Variants in SCOC observed in about 807,000 individuals in gnomAD.
SCOC encodes the protein short coiled-coil protein.
A neutral mutation model predicts 9.9 loss-of-function variants in SCOC; 7 were observed. The observed-to-expected ratio is 0.71, with a 90% CI of 0.40 to 1.33. The LOEUF is 1.33. SCOC is among the 40% of genes most tolerant of loss of function. The pLI is 0.01. For missense variants in SCOC, 66 were observed against 89.7 expected, an observed-to-expected ratio of 0.74 and a Z score of 1.07; for synonymous variants, 19 against 28.2, an observed-to-expected ratio of 0.67 and a Z score of 1.03.
chr4:140,335,714 A>T (rs1181574993), intron 1 of SCOC, among the ~76,000 whole-genome samples: 3 of 152,168 alleles, frequency 2.0e-5, no homozygotes, highest in Non-Finnish European at 4.4e-5. Flanking sequence ...AAGCTCTGAG[A>T]AAGCCCATAG....
chr4:140,363,676 C>T (rs771659152), intron 2 of SCOC, among the ~76,000 whole-genome samples: 10 of 152,216 alleles, frequency 6.6e-5, no homozygotes, highest in Non-Finnish European at 1.3e-4. Flanking sequence ...CATAATTTCA[C>T]AGCCACTTCC....
At chr4:140,290,019 A>G (rs1731423561) in intron 1 of SCOC, among the ~76,000 whole-genome samples, 1 of 152,202 alleles carries the variant, frequency 6.6e-6, no homozygotes. Flanking sequence ...CTCCTCACCA[A>G]TCTTTCAGTG....
chr4:140,341,116 C>T (rs1476794420), upstream of SCOC, among the ~76,000 whole-genome samples: 1 of 151,978 alleles, frequency 6.6e-6, no homozygotes, highest in Non-Finnish European at 1.5e-5. Flanking sequence ...TTCCCCCATC[C>T]ATTAGGATAG....
intron 1 of SCOC, among the ~76,000 whole-genome samples, chr4:140,277,155 G>A (rs867822188): frequency 1.3e-5 from 2 of 152,148 alleles, no homozygotes; most frequent in Non-Finnish European, 2.9e-5. Flanking sequence ...TCACTTCTCA[G>A]AGTGTGATTT....
intron 1 of SCOC, among the ~76,000 whole-genome samples, chr4:140,320,418 CTTAA>C (rs1257443763): frequency 4.6e-5 from 7 of 152,188 alleles, no homozygotes; most frequent in African/African-American, 1.2e-4. Context: ...CCTCTACTTT[CTTAA>C]TAAACTGCTT....
At chr4:140,314,631 C>A (rs1328138595) in intron 1 of SCOC, 2 of 152,134 alleles carry the variant, frequency 1.3e-5, no homozygotes. Context: ...CTCATGAATT[C>A]TTATGGAAAA....
intron 1 of SCOC, among the ~76,000 whole-genome samples, chr4:140,294,530 C>A (rs918750180): frequency 1.3e-5 from 2 of 152,128 alleles, no homozygotes; most frequent in South Asian, 4.1e-4. Flanking sequence ...CCCAGCTGAC[C>A]AACCAACTAA....
chr4:140,295,791 C>T (rs910679721), intron 1 of SCOC, among the ~76,000 whole-genome samples: 6 of 151,914 alleles, frequency 3.9e-5, no homozygotes, highest in Admixed American at 2.0e-4. Context: ...ATTAGCCGGG[C>T]GCGGTGGCGG....
At chr4:140,285,067 T>C in intron 1 of SCOC, 1 of 413,558 alleles carries the variant, frequency 2.4e-6, no homozygotes, top group African/African-American at 2.0e-5. Flanking sequence ...TTCCATGCAT[T>C]ATTTCCCTCA....
chr4:140,263,194 C>T (rs1205060316), intron 1 of SCOC, among the ~76,000 whole-genome samples: 2 of 152,178 alleles, frequency 1.3e-5, no homozygotes, highest in Non-Finnish European at 2.9e-5. Context: ...TAGTGGAGCT[C>T]ATGGCCAGAG....
chr4:140,338,685 A>T (rs1468723891), upstream of SCOC, among the ~76,000 whole-genome samples: 4 of 152,230 alleles, frequency 2.6e-5, no homozygotes, highest in Non-Finnish European at 5.9e-5. Flanking sequence ...ATCATGAGTG[A>T]ACTCCCATTC....
In SCOC at chr4:140,285,123, C is replaced by T. The variant is rs1731227656; in HGVS notation, c.-19+27713C>T. 1.1e-5 allele frequency: 5 copies of T among 453,748 alleles called. 1 individual carries two copies. Among genetic ancestry groups the T allele is most frequent in the South Asian group, 7.8e-5 (5 of 64,140 alleles). The allele number at this position is 453,748 out of a possible 1,614,324, so 28.1% of individuals were successfully genotyped here. A position where few individuals can be genotyped will look rare whatever the true frequency, so the allele number is the denominator to read the frequency against. ...GAGGCTTAGAGAATCGAGGCAAACT[C>T]ATCACGTCTCAAAGCTTGTATATGA... On this transcript the variant is annotated intron_variant, in intron 1 of 4. Coordinates refer to the SCOC transcript ENST00000394205.
At chr4:140,376,193 T>A (rs1486828079) in intron 1 of SCOC, among the ~76,000 whole-genome samples, 1 of 152,202 alleles carries the variant, frequency 6.6e-6, no homozygotes, top group African/African-American at 2.4e-5. Context: ...AAAGAAAAAA[T>A]CCATGGCTAA....
chr4:140,340,808 T>TTTTTTTTTTTTTTGTC (rs140552446), upstream of SCOC, among the ~76,000 whole-genome samples: 1 of 111,814 alleles, frequency 8.9e-6, no homozygotes, highest in Admixed American at 1.1e-4. Context: ...TTTTTTTTTT[T>TTTTTTTTTTTTTTGTC]AGAGGGATAG....
upstream of SCOC, chr4:140,373,435 C>T: frequency 6.6e-7 from 1 of 1,522,946 alleles, no homozygotes. Context: ...AGGTCCCGCC[C>T]ACAGCGACCT....
At chr4:140,340,256 C>T (rs571233951), upstream of SCOC, among the ~76,000 whole-genome samples, 21 of 151,638 alleles carry the variant, frequency 1.4e-4, no homozygotes, top group Non-Finnish European at 2.5e-4. Flanking sequence ...ACAATGAGAA[C>T]ACATGGACAC....
upstream of SCOC, among the ~76,000 whole-genome samples, chr4:140,370,738 A>G (rs1728017382): frequency 2.6e-5 from 4 of 152,068 alleles, no homozygotes. Flanking sequence ...CCTTTATCTA[A>G]TTGTTTTAAT....
intron 1 of SCOC, among the ~76,000 whole-genome samples, chr4:140,272,284 C>G (rs1167554731): frequency 6.6e-6 from 1 of 151,242 alleles, no homozygotes. Context: ...CAAACTCTTA[C>G]GCTCAAGGGA....
At chr4:140,343,635 C>A (rs370804423) in exon 2 of SCOC, 16 of 1,612,254 alleles carry the variant, frequency 9.9e-6, no homozygotes, top group African/African-American at 5.3e-5. Context: ...GAAAATTGAA[C>A]AAGATGGACG....
Sources: gnomAD v4.1 joint callset for allele counts (sites outside exome capture counted in the v4.1 genomes callset) on GRCh38, gnomAD v4.1.1 for gene constraint, MANE v1.5 for transcripts, NCBI Gene and HGNC (gene_info 2026-07-23, HGNC 2026-07-21) for gene names.